Variants in PCDHGB1 observed in about 807,000 individuals in gnomAD.
The protein encoded by PCDHGB1 is protocadherin gamma subfamily B, 1, also known as protocadherin gamma-B1.
Under a neutral mutation model 56.6 loss-of-function variants are expected in PCDHGB1, and 34 were observed. The ratio of observed to expected loss-of-function variants is 0.60; its 90% CI spans 0.46 to 0.80. PCDHGB1 has a LOEUF of 0.80. Among genes scored for constraint, PCDHGB1 ranks in the 30% least tolerant of loss-of-function variants. PCDHGB1 has a pLI of 0.00. For synonymous variants in PCDHGB1, 561 were observed against 505.9 expected, an observed-to-expected ratio of 1.11 and a Z score of -1.46; for missense variants, 1,278 against 1,204.6, an observed-to-expected ratio of 1.06 and a Z score of -0.90.
chr5:141,372,725 A>G (rs1258286952), intron 1 of PCDHGB1: 4 of 1,613,884 alleles, frequency 2.5e-6, no homozygotes, highest in Admixed American at 1.7e-5. Flanking sequence ...ATGCTGCACC[A>G]CAAGATCTTC....
At chr5:141,492,993 G>A (rs952802686) in intron 1 of PCDHGB1, among the ~76,000 whole-genome samples, 5 of 152,216 alleles carry the variant, frequency 3.3e-5, no homozygotes, top group African/African-American at 1.2e-4. Flanking sequence ...CTGGCAGATG[G>A]AAAGCTATAG....
intron 1 of PCDHGB1, chr5:141,408,394 C>T: frequency 6.2e-7 from 1 of 1,614,034 alleles, no homozygotes; most frequent in Non-Finnish European, 8.5e-7. Flanking sequence ...TGTCGGCTCG[C>T]AAGCTGCGAG....
Position 141,431,587 on chromosome 5 carries a change from A to C in PCDHGB1, c.2410-63220A>C. On this transcript the variant is annotated intron_variant, in intron 1 of 3. Coordinates refer to ENST00000523390, the MANE Select transcript of PCDHGB1 (RefSeq NM_018922.3). This position sits in a 1 kb window ranked among gnomAD's most constrained non-coding sequence, Gnocchi z 4.8. ...ACCCTGACGAAGGAGTCAATGCGGA[A>C]GTGAGGTATTCCTTCCGGTATGTGG... The C allele has an allele frequency of 1.2e-6, 2 of 1,614,236 alleles. No homozygotes were observed. Among genetic ancestry groups the C allele is most frequent in the Non-Finnish European group, 1.7e-6 (2 of 1,180,036 alleles).
intron 1 of PCDHGB1, among the ~76,000 whole-genome samples, chr5:141,442,945 C>G (rs1000311671): frequency 1.8e-4 from 28 of 152,150 alleles, no homozygotes; most frequent in African/African-American, 6.3e-4. Context: ...GAAACTTCCT[C>G]TCACTGCAAA....
chr5:141,408,985 G>A, intron 1 of PCDHGB1: 1 of 1,613,966 alleles, frequency 6.2e-7, no homozygotes, highest in South Asian at 1.1e-5. Context: ...GGTCCCCTGT[G>A]TTGCAAGTGA....
intron 1 of PCDHGB1, chr5:141,419,303 G>A (rs1561779463): frequency 1.2e-6 from 2 of 1,613,970 alleles, no homozygotes; most frequent in Non-Finnish European, 1.7e-6. Flanking sequence ...CCCAGACTTC[G>A]GGCTCAACGG....
Position 141,476,241 on chromosome 5 carries a change from A to G in PCDHGB1, c.2410-18566A>G, listed in dbSNP as rs375405507. ...CACTATGAGATCCCGGAGGAAAGAG[A>G]GAAGGGTTTCGCTGTGGGCAACGTG... On this transcript the variant is annotated intron_variant, in intron 1 of 3. Transcript: ENST00000523390. The surrounding 1 kb of genome is among the most constrained non-coding windows in gnomAD (Gnocchi z 7.6). 3.7e-6 allele frequency: 6 copies of G among 1,613,626 alleles called. No homozygotes were observed. The highest frequency in any genetic ancestry group is 2.2e-5 in the East Asian group (1 of 44,834).
At chr5:141,478,468 C>A (rs2099457906) in intron 1 of PCDHGB1, 2 of 1,613,800 alleles carry the variant, frequency 1.2e-6, no homozygotes, top group Admixed American at 1.7e-5. Flanking sequence ...CACTGGCCAG[C>A]CGCCAGAACA....
chr5:141,419,705 C>A, intron 1 of PCDHGB1: 1 of 1,613,038 alleles, frequency 6.2e-7, no homozygotes, highest in South Asian at 1.1e-5. Flanking sequence ...TGAGCCCGGG[C>A]TCTTCAGCCT....
In PCDHGB1 at chr5:141,370,388, G is replaced by A. The variant is rs10052885; in HGVS notation, c.2409+17719G>A. 6.8e-4 allele frequency: 1,046 copies of A among 1,542,246 alleles called. 12 individuals carry two copies. In the African/African-American group the frequency reaches 0.013, roughly 19 times the overall value. Reference sequence around the variant, plus strand: ...GGATTTAGAAAGGCAAAGGCGCAGAGAGCGGGATGGGAAATAGCTCCGGAT... The same window carrying A: ...GGATTTAGAAAGGCAAAGGCGCAGAAAGCGGGATGGGAAATAGCTCCGGAT... On this transcript the variant is annotated intron_variant, in intron 1 of 3. Coordinates refer to ENST00000523390, the MANE Select transcript of PCDHGB1 (RefSeq NM_018922.3).
chr5:141,392,649 C>G, intron 1 of PCDHGB1: 1 of 703,200 alleles, frequency 1.4e-6, no homozygotes, highest in Non-Finnish European at 2.2e-6. Flanking sequence ...CACGAAGACC[C>G]GCAGATGCCA....
At chr5:141,422,053 G>A in intron 1 of PCDHGB1, 1 of 1,611,606 alleles carries the variant, frequency 6.2e-7, no homozygotes, top group Non-Finnish European at 8.5e-7. Context: ...GGGAATCAAC[G>A]GGGAAGTAAT....
chr5:141,414,950 T>C (rs1017858929), intron 1 of PCDHGB1: 2 of 1,613,912 alleles, frequency 1.2e-6, no homozygotes, highest in African/African-American at 2.7e-5. Context: ...GGCTACCTGG[T>C]GACCAAGGTG....
intron 1 of PCDHGB1, chr5:141,418,432 T>A: frequency 6.2e-7 from 1 of 1,613,956 alleles, no homozygotes; most frequent in East Asian, 2.2e-5. Context: ...GTGGCAAATA[T>A]CCAGAATTAG....
rs372018713 is a variant in PCDHGB1, at chr5:141,418,097, C to G, written c.2409+65428C>G. ...GAAGCTGCACTTCAGCGTAGACGCG[C>G]AGAGCGGGGACTTACTTGTGAAGGA... On this transcript the variant is annotated intron_variant, in intron 1 of 3. Coordinates refer to ENST00000523390, the MANE Select transcript of PCDHGB1 (RefSeq NM_018922.3). The G allele has an allele frequency of 5.7e-4, 921 of 1,613,980 alleles. 9 individuals are homozygous for G. The South Asian group carries it at 6.8e-3, about 12-fold the overall frequency.
intron 1 of PCDHGB1, chr5:141,356,470 G>C: frequency 6.2e-7 from 1 of 1,613,754 alleles, no homozygotes; most frequent in Non-Finnish European, 8.5e-7. Flanking sequence ...CACTGTAACT[G>C]CCACTGACCA....
At position 141,477,855 on chromosome 5, in the gene PCDHGB1, T is replaced by C; in HGVS notation, c.2410-16952T>C. The C allele has an allele frequency of 1.2e-6, 2 of 1,613,698 alleles. No individual in the cohort carries two copies. The highest frequency in any genetic ancestry group is 1.7e-6 in the Non-Finnish European group (2 of 1,179,882). On this transcript the variant is annotated intron_variant, in intron 1 of 3. Coordinates refer to ENST00000523390, the MANE Select transcript of PCDHGB1 (RefSeq NM_018922.3). The surrounding 1 kb of genome is among the most constrained non-coding windows in gnomAD (Gnocchi z 4.9). ...CCAGGTGGGAGCTCGGTGGAGATGC[T>C]GCCTCGAGGTACCTCAGCTGGCCAC...
intron 1 of PCDHGB1, among the ~76,000 whole-genome samples, chr5:141,364,030 G>A (rs1227147450): frequency 6.6e-6 from 1 of 152,184 alleles, no homozygotes; most frequent in East Asian, 1.9e-4. Flanking sequence ...AAACATTAAG[G>A]ATATGGCAAC....
chr5:141,356,423 G>A lies in PCDHGB1; in HGVS notation c.2409+3754G>A, dbSNP rs760964193. ...AATTATTATCGGTTGTTGACACACA[G>A]AACACTGGACAGGGAAGAAGTCTCA... On this transcript the variant is annotated intron_variant, in intron 1 of 3. Coordinates refer to ENST00000523390, the MANE Select transcript of PCDHGB1 (RefSeq NM_018922.3). 1.0e-5 allele frequency: 16 copies of A among 1,606,564 alleles called. No homozygotes were observed. Among genetic ancestry groups the A allele is most frequent in the Non-Finnish European group, 1.4e-5 (16 of 1,175,920 alleles).
Sources: allele counts gnomAD v4.1 joint callset (sites outside exome capture counted in the v4.1 genomes callset), GRCh38; gene constraint gnomAD v4.1.1; non-coding constraint Gnocchi (gnomAD v3.1); transcripts MANE v1.5; gene names NCBI Gene and HGNC (gene_info 2026-07-23, HGNC 2026-07-21).